The following NELL2 variants were observed in gnomAD, a reference collection of about 807,000 sequenced individuals.
NELL2 encodes protein kinase C-binding protein NELL2.
Under a neutral mutation model 109.6 loss-of-function variants are expected in NELL2, and 41 were observed. The ratio of observed to expected loss-of-function variants is 0.37; its 90% confidence interval spans 0.29 to 0.49. The LOEUF is 0.49. NELL2 is among the 20% of genes least tolerant of loss of function. NELL2 has a pLI of 0.98. For synonymous variants in NELL2, 355 were observed against 344.7 expected (o/e 1.03, Z -0.33); for missense variants, 900 against 1,008.3 (o/e 0.89, Z 1.45).
intron 9 of NELL2, among the ~76,000 whole-genome samples, chr12:44,732,538 T>C (rs1353134922): frequency 2.0e-5 from 3 of 152,000 alleles, no homozygotes; most frequent in Admixed American, 6.6e-5. Context: ...TCTTACACCA[T>C]GCACAAAAAT....
intron 1 of NELL2, among the ~76,000 whole-genome samples, chr12:44,904,620 T>C (rs972564307): frequency 1.3e-5 from 2 of 152,156 alleles, no homozygotes; most frequent in African/African-American, 2.4e-5. Context: ...CATTGAATTA[T>C]GACATGAGCT....
At chr12:44,611,359 T>A (rs1240541660) in intron 13 of NELL2, among the ~76,000 whole-genome samples, 1 of 152,022 alleles carries the variant, frequency 6.6e-6, no homozygotes, top group Non-Finnish European at 1.5e-5. Flanking sequence ...GATGTGAAAT[T>A]GTATTGCTTT....
At chr12:44,734,608 T>C (rs1321896597) in intron 9 of NELL2, among the ~76,000 whole-genome samples, 2 of 151,936 alleles carry the variant, frequency 1.3e-5, no homozygotes, top group African/African-American at 4.8e-5. Context: ...CTACACTCAG[T>C]AGTTTAGAAA....
chr12:44,657,066 A>C (rs1008150141), intron 13 of NELL2, among the ~76,000 whole-genome samples: 5 of 152,226 alleles, frequency 3.3e-5, no homozygotes, highest in Non-Finnish European at 1.5e-5. Context: ...CAACTGACTT[A>C]AAATCTTTGC....
intron 1 of NELL2, among the ~76,000 whole-genome samples, chr12:44,909,976 A>G (rs576216707): frequency 3.3e-5 from 5 of 152,166 alleles, no homozygotes; most frequent in African/African-American, 9.6e-5. Flanking sequence ...TACAAAAAAA[A>G]TTAACTCAAA....
chr12:44,678,329 CT>C (rs1948384255), intron 12 of NELL2, among the ~76,000 whole-genome samples: 1 of 152,030 alleles, frequency 6.6e-6, no homozygotes. Context: ...AATGGGAGCA[CT>C]CATGCAAAAA....
chr12:44,761,763 TA>T (rs1356628400), intron 9 of NELL2, among the ~76,000 whole-genome samples: 1 of 152,116 alleles, frequency 6.6e-6, no homozygotes, highest in Non-Finnish European at 1.5e-5. Context: ...TTAACCTAAC[TA>T]AAATAACTCA....
intron 15 of NELL2, among the ~76,000 whole-genome samples, chr12:44,595,593 ATT>A (rs57566164): frequency 0.2 from 23,745 of 121,706 alleles, 1,668 homozygotes; most frequent in African/African-American, 0.22. Flanking sequence ...CACCCAGCTA[ATT>A]TTTTTTTTTT....
intron 15 of NELL2, among the ~76,000 whole-genome samples, chr12:44,601,320 G>A (rs1945212419): frequency 6.6e-6 from 1 of 151,972 alleles, no homozygotes; most frequent in Non-Finnish European, 1.5e-5. Context: ...TGAAGGACTT[G>A]GAAGAATGAC....
intron 11 of NELL2, among the ~76,000 whole-genome samples, chr12:44,707,690 T>C (rs554506462): frequency 2.9e-3 from 445 of 152,316 alleles, no homozygotes; most frequent in Non-Finnish European, 5.4e-3. Flanking sequence ...TCTTTTAATG[T>C]GTATAAGAAA....
At chr12:44,775,424 T>G (rs1476503731) in intron 8 of NELL2, among the ~76,000 whole-genome samples, 1 of 152,230 alleles carries the variant, frequency 6.6e-6, no homozygotes, top group Non-Finnish European at 1.5e-5. Flanking sequence ...CATGTGTAAT[T>G]TAAAAGTTTA....
At chr12:44,540,337 A>G (rs1942495137) in intron 15 of NELL2, among the ~76,000 whole-genome samples, 2 of 152,330 alleles carry the variant, frequency 1.3e-5, no homozygotes, top group African/African-American at 2.4e-5. Flanking sequence ...AAAATAGAAT[A>G]CAGGTGAAGT....
At chr12:44,716,992 A>G (rs938874288) in intron 9 of NELL2, among the ~76,000 whole-genome samples, 3 of 152,074 alleles carry the variant, frequency 2.0e-5, no homozygotes, top group Admixed American at 6.6e-5. Context: ...GGAGGGAAAA[A>G]GCACAAAAAT....
chr12:44,765,672 G>T (rs557003869), intron 9 of NELL2, among the ~76,000 whole-genome samples: 6 of 152,336 alleles, frequency 3.9e-5, no homozygotes, highest in Admixed American at 2.6e-4. Flanking sequence ...TAAATTGGAA[G>T]AAGCTCCGTT....
intron 16 of NELL2, among the ~76,000 whole-genome samples, chr12:44,528,247 T>A (rs1181007535): frequency 6.6e-6 from 1 of 151,980 alleles, no homozygotes; most frequent in Non-Finnish European, 1.5e-5. Context: ...TTTGTTTTTT[T>A]AAATAAGGTT....
intron 12 of NELL2, among the ~76,000 whole-genome samples, chr12:44,680,568 T>C (rs1238277374): frequency 1.3e-5 from 2 of 152,148 alleles, no homozygotes; most frequent in African/African-American, 4.8e-5. Flanking sequence ...TTTTATATCA[T>C]ACCAATGAAC....
chr12:44,807,068 G>A (rs1943025788), intron 3 of NELL2, among the ~76,000 whole-genome samples: 1 of 150,606 alleles, frequency 6.6e-6, no homozygotes, highest in African/African-American at 2.4e-5. Flanking sequence ...CTCAGGATAG[G>A]AAAAACCATT....
chr12:44,705,999 TC>T, intron 11 of NELL2, among the ~76,000 whole-genome samples: 2 of 152,290 alleles, frequency 1.3e-5, no homozygotes, highest in South Asian at 4.1e-4. Context: ...TCTATTATCA[TC>T]CATTTTCAGT....
chr12:44,899,868 T>A (rs1341112726), intron 1 of NELL2, among the ~76,000 whole-genome samples: 1 of 152,118 alleles, frequency 6.6e-6, no homozygotes, highest in Non-Finnish European at 1.5e-5. Flanking sequence ...AGGAGACCCA[T>A]CTTATGTGCA....
Sources: allele counts gnomAD v4.1 joint callset (sites outside exome capture counted in the v4.1 genomes callset), GRCh38; gene constraint gnomAD v4.1.1; transcripts MANE v1.5; gene names NCBI Gene and HGNC (gene_info 2026-07-23, HGNC 2026-07-21).